The following MYLK3 variants were observed in gnomAD, a reference collection of about 807,000 sequenced individuals.
MYLK3 encodes the protein myosin light chain kinase 3.
MYLK3 carries 55 observed loss-of-function variants against 76.3 expected under a neutral mutation model. The ratio of observed to expected loss-of-function variants is 0.72; its 90% CI spans 0.58 to 0.90. The LOEUF (loss-of-function observed/expected upper bound fraction) is 0.90. MYLK3 is among the 40% of genes least tolerant of loss of function. MYLK3 has a pLI of 0.00. For missense variants in MYLK3, 973 were observed against 1,053.6 expected, an observed-to-expected ratio of 0.92 and a Z score of 1.06; for synonymous variants, 416 against 425.4, an observed-to-expected ratio of 0.98 and a Z score of 0.27.
rs141636625 is a variant in MYLK3 at position 46,702,647 on chromosome 16, C to T, written c.*5057G>A. 1.2e-3 allele frequency among the ~76,000 whole-genome samples: 187 copies of T among 152,250 alleles called. 2 individuals are homozygous for T. The highest frequency in any genetic ancestry group is 2.2e-3 in the Non-Finnish European group (148 of 68,018). On this transcript the variant is annotated 3_prime_UTR_variant, in exon 13 of 13. Transcript: ENST00000394809. ...ATAAATGTAATACATGCGGGCCAGGCGCAGTGGCTCACACCTGTAATCCCA... is the reference window on the plus strand; with the variant it reads ...ATAAATGTAATACATGCGGGCCAGGTGCAGTGGCTCACACCTGTAATCCCA...
chr16:46,749,851 C>T (rs1454939250), upstream of MYLK3, among the ~76,000 whole-genome samples: 2 of 152,222 alleles, frequency 1.3e-5, no homozygotes, highest in African/African-American at 4.8e-5. Flanking sequence ...TCTCTACCTA[C>T]CCTTCTATCC....
chr16:46,712,866 C>T, intron 9 of MYLK3, 90 bp from the exon 10 acceptor site: 1 of 1,313,318 alleles, frequency 7.6e-7, no homozygotes, highest in Non-Finnish European at 1.0e-6. Flanking sequence ...GCAGACATTC[C>T]CCACTTCCCA....
intron 9 of MYLK3, among the ~76,000 whole-genome samples, chr16:46,713,739 A>C (rs547628081): frequency 6.6e-6 from 1 of 152,172 alleles, no homozygotes; most frequent in Non-Finnish European, 1.5e-5. Context: ...CCCCAGTGCC[A>C]CCTGCCCTGT....
chr16:46,743,393 AC>A (rs1249557192), intron 1 of MYLK3, among the ~76,000 whole-genome samples: 6 of 152,180 alleles, frequency 3.9e-5, no homozygotes, highest in Non-Finnish European at 7.3e-5. Flanking sequence ...TTCAGCACTG[AC>A]GATGTGTTTA....
upstream of MYLK3, among the ~76,000 whole-genome samples, chr16:46,750,521 C>T (rs1967109435): frequency 6.6e-6 from 1 of 152,104 alleles, no homozygotes. Context: ...TGGTGAAACA[C>T]CGTCTCTACT....
chr16:46,723,223 T>C (rs999368007), intron 8 of MYLK3, among the ~76,000 whole-genome samples: 1 of 152,214 alleles, frequency 6.6e-6, no homozygotes, highest in Admixed American at 6.5e-5. Flanking sequence ...TTCATATAAA[T>C]GGAATCATAA....
chr16:46,746,687 AG>A (rs1967030472), intron 1 of MYLK3, among the ~76,000 whole-genome samples: 1 of 152,206 alleles, frequency 6.6e-6, no homozygotes, highest in African/African-American at 2.4e-5. Context: ...GGCCTCCCAA[AG>A]CACTAGGATT....
At chr16:46,724,285 G>A (rs1966828612) in intron 8 of MYLK3, among the ~76,000 whole-genome samples, 1 of 151,882 alleles carries the variant, frequency 6.6e-6, no homozygotes, top group African/African-American at 2.4e-5. Flanking sequence ...ATCCTTTGAA[G>A]TATGAGATTT....
chr16:46,721,127 T>C lies in MYLK3; in HGVS notation c.1981A>G (p.Arg661Gly). ...QIKIIDFGLA[R>G]RYKPREKLKV... The stretch of plus-strand genomic sequence containing the variant: ...ATCTAAATAAAACCCCCTTACCTTC[T>C]GGCCAGCCCAAAGTCAATGATCTTA... The change falls in exon 9 of 13, where the codon AGA (arginine) becomes GGA (glycine). Residue 661 changes from arginine to glycine, a missense_variant. This residue lies in a region of MYLK3 where 332 missense variants were observed against 416.6 expected (regional missense o/e 0.80). Coordinates refer to ENST00000394809, the MANE Select transcript of MYLK3 (RefSeq NM_182493.3). The C allele has an allele frequency of 1.9e-6, 3 of 1,614,096 alleles. No individual in the cohort carries two copies. The highest frequency in any genetic ancestry group is 2.5e-6 in the Non-Finnish European group (3 of 1,179,926).
rs1232653244 is a variant in MYLK3, at chr16:46,704,855, CT to C, written c.*2848del. On this transcript the variant is annotated 3_prime_UTR_variant, in exon 13 of 13. Transcript: ENST00000394809. Reference sequence around the variant, plus strand: ...ACAATAGAACTATAAAATATACTCTCTAGCTCCTTCTGGAGGCTGCCCTCAA... The same window carrying C: ...ACAATAGAACTATAAAATATACTCTCAGCTCCTTCTGGAGGCTGCCCTCAA... The C allele has an allele frequency of 6.6e-6, 1 of 152,212 alleles. No individual in the cohort carries two copies. The highest frequency in any genetic ancestry group is 1.5e-5 in the Non-Finnish European group (1 of 68,034). The allele number at this position is 152,212 out of a possible 1,614,324, so 9.4% of individuals were successfully genotyped here.
chr16:46,718,481 C>A (rs1297667905), intron 9 of MYLK3, among the ~76,000 whole-genome samples: 1 of 152,172 alleles, frequency 6.6e-6, no homozygotes, highest in East Asian at 1.9e-4. Flanking sequence ...TACACTTCAA[C>A]CAGTGGAGGA....
rs983749621 is a variant in MYLK3 at position 46,703,834 on chromosome 16, T to G, written c.*3870A>C. 2 of 153,782 alleles carry G rather than the reference T, an allele frequency of 1.3e-5. No homozygotes were observed. The highest frequency in any genetic ancestry group is 2.9e-5 in the Non-Finnish European group (2 of 68,036). 9.5% of individuals were successfully genotyped at this position (153,782 alleles called of 1,614,324 possible). The stretch of plus-strand genomic sequence containing the variant: ...TACAGGATTCTCTCTAGATCTGCCC[T>G]GTCCAATATAGATGCCACTAACCAC... On this transcript the variant is annotated 3_prime_UTR_variant, in exon 13 of 13. Transcript: ENST00000394809.
intron 9 of MYLK3, 114 bp from the exon 10 acceptor site, chr16:46,712,890 C>T: frequency 9.8e-7 from 1 of 1,019,690 alleles, no homozygotes; most frequent in Non-Finnish European, 1.3e-6. Flanking sequence ...GCCATATGGC[C>T]TGGACTCCAC....
chr16:46,731,016 G>T (rs1402678449), intron 4 of MYLK3, among the ~76,000 whole-genome samples: 1 of 152,194 alleles, frequency 6.6e-6, no homozygotes, highest in Non-Finnish European at 1.5e-5. Context: ...GGAAACAGAG[G>T]GCCCATGTGG....
intron 9 of MYLK3, among the ~76,000 whole-genome samples, chr16:46,716,129 C>G (rs764398148): frequency 6.6e-6 from 1 of 152,156 alleles, no homozygotes; most frequent in African/African-American, 2.4e-5. Flanking sequence ...GGTGCCTGCC[C>G]GTCACCAGAG....
chr16:46,731,633 T>C (rs751721116), intron 4 of MYLK3, among the ~76,000 whole-genome samples: 28 of 152,168 alleles, frequency 1.8e-4, no homozygotes, highest in Non-Finnish European at 3.7e-4. Flanking sequence ...TGAGGGCTTT[T>C]AGATCATAAG....
At chr16:46,730,721 C>G in intron 4 of MYLK3, 23 bp from the exon 5 acceptor site, 1 of 1,607,808 alleles carries the variant, frequency 6.2e-7, no homozygotes, top group Non-Finnish European at 8.5e-7. Context: ...CAATAAGGAC[C>G]TGTGAGCCTC....
Position 46,730,669 on chromosome 16 carries a change from C to T in MYLK3, c.1492G>A (p.Glu498Lys). Residue 498 changes from glutamate to lysine, a missense_variant, in exon 5 of 13, where the codon GAA (glutamate) becomes AAA (lysine). By Grantham distance (56) the Glu-to-Lys change is moderately conservative. Around this residue, in one of 2 missense-constraint regions of MYLK3, gnomAD observed 332 missense variants for 416.6 expected, o/e 0.80. Coordinates refer to ENST00000394809, the MANE Select transcript of MYLK3 (RefSeq NM_182493.3). ...TCCTTGACGCTCACTACCCGGTGTT[C>T]AAAAGGAGCTGGTGGGGCCGGACTG... is the stretch of plus-strand genomic sequence containing the variant. ...DDSPAPPAPF[E>K]HRVVSVKETS... The T allele has an allele frequency of 6.2e-7, 1 of 1,614,038 alleles. No homozygotes were observed. Among genetic ancestry groups the T allele is most frequent in the Non-Finnish European group, 8.5e-7 (1 of 1,180,018 alleles).
intron 3 of MYLK3, among the ~76,000 whole-genome samples, chr16:46,733,686 C>T (rs181476862): frequency 3.9e-4 from 59 of 152,246 alleles, no homozygotes; most frequent in Middle Eastern, 3.4e-3. Flanking sequence ...GTCTCCCCAC[C>T]TCTGGCTGCC....
Sources: allele counts gnomAD v4.1 joint callset (sites outside exome capture counted in the v4.1 genomes callset), GRCh38; gene constraint gnomAD v4.1.1; regional missense constraint gnomAD v4.1.1; transcripts MANE v1.5; gene names NCBI Gene and HGNC (gene_info 2026-07-23, HGNC 2026-07-21).